Variants in NLGN1 observed in about 807,000 individuals in gnomAD.
The protein encoded by NLGN1 is neuroligin 1.
A neutral mutation model predicts 65.5 loss-of-function variants in NLGN1; 12 were observed. The ratio of observed to expected loss-of-function variants is 0.18; its 90% CI spans 0.12 to 0.30. The LOEUF (loss-of-function observed/expected upper bound fraction) is 0.30, where lower values mean the gene tolerates loss of function less well. NLGN1 is among the 10% of genes least tolerant of loss of function. NLGN1 has a pLI of 1.00. For missense variants in NLGN1, 750 were observed against 1,007.1 expected (o/e 0.74, Z 3.46); for synonymous variants, 350 against 359.5 (o/e 0.97, Z 0.30).
intron 2 of NLGN1, among the ~76,000 whole-genome samples, chr3:173,490,578 C>T (rs1310829327): frequency 6.6e-6 from 1 of 152,144 alleles, no homozygotes. Context: ...GCAATGTGGG[C>T]TCTTTTGTGG....
At chr3:173,655,442 G>C (rs1203073016) in intron 3 of NLGN1, among the ~76,000 whole-genome samples, 2 of 151,800 alleles carry the variant, frequency 1.3e-5, no homozygotes, top group Non-Finnish European at 2.9e-5. Context: ...CGTAAAACTG[G>C]TTATAACAAA....
chr3:173,947,122 C>T (rs1020194369), intron 4 of NLGN1, among the ~76,000 whole-genome samples: 1 of 141,498 alleles, frequency 7.1e-6, no homozygotes, highest in African/African-American at 2.7e-5. Flanking sequence ...GGTGCAATGG[C>T]GTGATCTCGG....
At chr3:173,895,360 G>A (rs543982710) in intron 4 of NLGN1, among the ~76,000 whole-genome samples, 18 of 152,310 alleles carry the variant, frequency 1.2e-4, no homozygotes, top group Admixed American at 3.3e-4. Flanking sequence ...GCTAGCAGGT[G>A]ATGATCTCTA....
intron 4 of NLGN1, among the ~76,000 whole-genome samples, chr3:173,821,622 A>G (rs1401070438): frequency 6.6e-6 from 1 of 152,138 alleles, no homozygotes; most frequent in Non-Finnish European, 1.5e-5. Context: ...TTTTAGTATC[A>G]ATCTGTACTA....
At chr3:174,166,336 T>C (rs183621335) in intron 4 of NLGN1, among the ~76,000 whole-genome samples, 37 of 152,234 alleles carry the variant, frequency 2.4e-4, no homozygotes, top group African/African-American at 7.5e-4. Flanking sequence ...TTTAGCACTA[T>C]AAACCTTCCT....
chr3:174,125,385 G>A (rs1483198699), intron 4 of NLGN1, among the ~76,000 whole-genome samples: 1 of 152,076 alleles, frequency 6.6e-6, no homozygotes, highest in African/African-American at 2.4e-5. Flanking sequence ...ATGATTGACT[G>A]TATATGAGCA....
At chr3:173,855,126 A>G (rs1236027522) in intron 4 of NLGN1, among the ~76,000 whole-genome samples, 1 of 152,060 alleles carries the variant, frequency 6.6e-6, no homozygotes, top group Admixed American at 6.5e-5. Context: ...AAATGTAGGT[A>G]AATTCTTCTA....
Position 174,171,430 on chromosome 3 carries a change from A to T in NLGN1, c.647-103885A>T, listed in dbSNP as rs553848262. ...TTCTGCGTCATTTTCCAAATGTAGG[A>T]TTTGCTCGTTAAAAATAAGTAGTGG... On this transcript the variant is annotated intron_variant, in intron 4 of 6. Transcript: ENST00000457714. Among the ~76,000 whole-genome samples the T allele has an allele frequency of 4.6e-5, 7 of 152,230 alleles. No individual in the cohort carries two copies. The South Asian group carries it at 1.5e-3, about 32-fold the overall frequency.
intron 4 of NLGN1, among the ~76,000 whole-genome samples, chr3:173,876,422 A>C (rs1732117848): frequency 6.6e-6 from 1 of 152,188 alleles, no homozygotes; most frequent in African/African-American, 2.4e-5. Context: ...GTTTGCATTC[A>C]TCAAATTGAA....
chr3:174,265,181 G>T (rs1261222529), intron 4 of NLGN1, among the ~76,000 whole-genome samples: 76 of 151,858 alleles, frequency 5.0e-4, no homozygotes, highest in African/African-American at 1.8e-3. Context: ...AGGCAGGCAG[G>T]CCTCCTTGAG....
intron 4 of NLGN1, among the ~76,000 whole-genome samples, chr3:174,179,544 T>A (rs1730010162): frequency 6.6e-6 from 1 of 152,106 alleles, no homozygotes; most frequent in African/African-American, 2.4e-5. Flanking sequence ...TGTTAGATAT[T>A]GGCAGGGAAA....
chr3:173,858,681 G>T (rs1460674188), intron 4 of NLGN1, among the ~76,000 whole-genome samples: 3 of 151,916 alleles, frequency 2.0e-5, no homozygotes, highest in Non-Finnish European at 4.4e-5. Context: ...CACATTGTTT[G>T]ATTTCATTTT....
intron 4 of NLGN1, among the ~76,000 whole-genome samples, chr3:174,120,059 A>G (rs1450626628): frequency 2.0e-5 from 3 of 152,348 alleles, no homozygotes; most frequent in Admixed American, 1.3e-4. Flanking sequence ...AATAGCAAAC[A>G]TTGACAAACA....
chr3:174,065,365 T>G (rs1738294652), intron 4 of NLGN1, among the ~76,000 whole-genome samples: 1 of 152,176 alleles, frequency 6.6e-6, no homozygotes, highest in African/African-American at 2.4e-5. Flanking sequence ...GTATAATTTA[T>G]ATGTATAAAT....
intron 4 of NLGN1, among the ~76,000 whole-genome samples, chr3:174,173,588 G>C (rs985394695): frequency 1.3e-5 from 2 of 151,748 alleles, no homozygotes; most frequent in African/African-American, 4.8e-5. Flanking sequence ...TTTGGTTTTT[G>C]TCCTTGATTT....
chr3:173,913,156 TG>T (rs1217295477), intron 4 of NLGN1, among the ~76,000 whole-genome samples: 1 of 152,170 alleles, frequency 6.6e-6, no homozygotes, highest in African/African-American at 2.4e-5. Context: ...TGACCAGTAC[TG>T]CCTCAAGGAA....
chr3:174,126,137 A>G (rs922259404), intron 4 of NLGN1, among the ~76,000 whole-genome samples: 5 of 152,102 alleles, frequency 3.3e-5, no homozygotes, highest in African/African-American at 4.8e-5. Flanking sequence ...CACTGCCACT[A>G]GAGCCTTCAC....
chr3:174,247,029 CTA>C (rs1561381079), intron 4 of NLGN1, among the ~76,000 whole-genome samples: 1 of 152,166 alleles, frequency 6.6e-6, no homozygotes, highest in African/African-American at 2.4e-5. Context: ...AGCATAGAGC[CTA>C]TATAATTGGA....
intron 2 of NLGN1, among the ~76,000 whole-genome samples, chr3:173,528,989 A>G (rs1736102381): frequency 6.6e-6 from 1 of 152,084 alleles, no homozygotes; most frequent in Non-Finnish European, 1.5e-5. Context: ...TGATCCTTTG[A>G]TGGTTTCACA....
Sources: allele counts gnomAD v4.1 joint callset (sites outside exome capture counted in the v4.1 genomes callset), GRCh38; gene constraint gnomAD v4.1.1; transcripts MANE v1.5; gene names NCBI Gene and HGNC (gene_info 2026-07-23, HGNC 2026-07-21).